Variants in ADAMTS19 observed in about 807,000 individuals in gnomAD.
ADAMTS19 encodes ADAM metallopeptidase with thrombospondin type 1 motif 19.
In ADAMTS19, 93 loss-of-function variants were observed where a neutral mutation model predicts 153.3. The ratio of observed to expected loss-of-function variants is 0.61; its 90% CI spans 0.51 to 0.72. The LOEUF (loss-of-function observed/expected upper bound fraction) is 0.72, where lower values mean the gene tolerates loss of function less well. ADAMTS19 is among the 30% of genes least tolerant of loss of function. The pLI, the probability that ADAMTS19 is intolerant of heterozygous loss-of-function variation, is 0.00. For missense variants in ADAMTS19, 1,482 were observed against 1,552.1 expected, an observed-to-expected ratio of 0.95 and a Z score of 0.76; for synonymous variants, 600 against 556.6, an observed-to-expected ratio of 1.08 and a Z score of -1.10.
rs145593242 is a variant in ADAMTS19, at chr5:129,472,144, A to G, written c.747+10387A>G. On this transcript the variant is annotated intron_variant, in intron 2 of 22. Transcript: ENST00000274487. ...AGGAATCACTTCACTATCTTCCACA[A>G]TGGTTGAACTAACTTAAACTGCCAT... is the stretch of plus-strand genomic sequence containing the variant. Among the ~76,000 whole-genome samples, 435 of 152,346 alleles carry G rather than the reference A, an allele frequency of 2.9e-3. 1 individual carries two copies. Among genetic ancestry groups the G allele is most frequent in the African/African-American group, 0.01 (420 of 41,582 alleles).
At chr5:129,720,911 A>G (rs1756977421) in intron 21 of ADAMTS19, among the ~76,000 whole-genome samples, 1 of 152,222 alleles carries the variant, frequency 6.6e-6, no homozygotes, top group South Asian at 2.1e-4. Flanking sequence ...ACCATGAGCC[A>G]TCACATAAAT....
At chr5:129,664,665 G>A (rs913326946) in intron 15 of ADAMTS19, among the ~76,000 whole-genome samples, 6 of 151,870 alleles carry the variant, frequency 4.0e-5, no homozygotes, top group African/African-American at 1.2e-4. Context: ...AAGCTTAGAA[G>A]GTAGACTTTT....
chr5:129,509,805 A>G (rs1417609927), intron 3 of ADAMTS19, among the ~76,000 whole-genome samples: 1 of 151,966 alleles, frequency 6.6e-6, no homozygotes, highest in Non-Finnish European at 1.5e-5. Context: ...AACATTCCCA[A>G]CCATCAAATC....
chr5:129,685,273 T>C (rs1264611478), intron 18 of ADAMTS19, among the ~76,000 whole-genome samples: 3 of 152,000 alleles, frequency 2.0e-5, no homozygotes, highest in Non-Finnish European at 4.4e-5. Context: ...AGAGAGAAGC[T>C]ATTAGAGGAT....
chr5:129,525,535 A>G (rs150633696), intron 3 of ADAMTS19, among the ~76,000 whole-genome samples: 313 of 152,164 alleles, frequency 2.1e-3, no homozygotes, highest in African/African-American at 6.7e-3. Flanking sequence ...TTATTCTGGA[A>G]AAGTATTGCA....
chr5:129,685,114 G>A (rs1456716954), intron 18 of ADAMTS19, among the ~76,000 whole-genome samples: 4 of 152,218 alleles, frequency 2.6e-5, no homozygotes, highest in South Asian at 2.1e-4. Flanking sequence ...TATAAGTCTG[G>A]CATTCAGGAG....
At chr5:129,601,353 A>G (rs557682818) in intron 8 of ADAMTS19, among the ~76,000 whole-genome samples, 69 of 150,922 alleles carry the variant, frequency 4.6e-4, no homozygotes, top group African/African-American at 1.7e-3. Context: ...GTTTTATTGA[A>G]TTCATATATA....
intron 2 of ADAMTS19, among the ~76,000 whole-genome samples, chr5:129,478,979 C>A (rs1250827780): frequency 6.6e-6 from 1 of 152,096 alleles, no homozygotes; most frequent in Admixed American, 6.6e-5. Context: ...CTGCTATATG[C>A]CATATACATA....
chr5:129,524,864 G>C (rs1001494808), intron 3 of ADAMTS19, among the ~76,000 whole-genome samples: 31 of 152,000 alleles, frequency 2.0e-4, no homozygotes, highest in Admixed American at 3.9e-4. Context: ...CACTGAGTTG[G>C]TTTTTAAGAG....
chr5:129,506,828 C>A (rs1751282026), intron 2 of ADAMTS19, among the ~76,000 whole-genome samples: 1 of 151,662 alleles, frequency 6.6e-6, no homozygotes, highest in African/African-American at 2.4e-5. Flanking sequence ...AGAGCATTAC[C>A]CATGATAAGA....
chr5:129,638,962 G>A (rs1046306948), intron 10 of ADAMTS19, among the ~76,000 whole-genome samples: 38 of 152,094 alleles, frequency 2.5e-4, no homozygotes, highest in Non-Finnish European at 4.3e-4. Context: ...ACCTATTTGA[G>A]ATAAACATCC....
At chr5:129,613,100 AC>A (rs1751315812) in intron 8 of ADAMTS19, among the ~76,000 whole-genome samples, 2 of 152,084 alleles carry the variant, frequency 1.3e-5, no homozygotes, top group South Asian at 4.2e-4. Flanking sequence ...AGACTTTAAC[AC>A]CCCACTGTCA....
At chr5:129,538,888 T>G (rs1752555443) in intron 6 of ADAMTS19, among the ~76,000 whole-genome samples, 1 of 152,138 alleles carries the variant, frequency 6.6e-6, no homozygotes, top group Admixed American at 6.6e-5. Flanking sequence ...ATAAGCATAT[T>G]CTTATGGTAA....
chr5:129,597,980 C>G (rs1181590615), intron 8 of ADAMTS19, among the ~76,000 whole-genome samples: 1 of 151,894 alleles, frequency 6.6e-6, no homozygotes, highest in Non-Finnish European at 1.5e-5. Flanking sequence ...GCAGGCTTCC[C>G]TAATTGCTGG....
At position 129,738,571 on chromosome 5, in the gene ADAMTS19, T is replaced by C. The variant is rs1420921843; in HGVS notation, c.*1353T>C. ...ATCCAATGTATGTTCTGAGGTCACC[T>C]GGCTCTCTTCATGTCACCCTTTGGG... On this transcript the variant is annotated 3_prime_UTR_variant, in exon 23 of 23. Transcript: ENST00000274487. The C allele has an allele frequency of 6.6e-6, 1 of 152,056 alleles. No individual in the cohort carries two copies. The highest frequency in any genetic ancestry group is 2.4e-5 in the African/African-American group (1 of 41,420). The allele number at this position is 152,056 out of a possible 1,614,324, so 9.4% of individuals were successfully genotyped here. A position where few individuals can be genotyped will look rare whatever the true frequency, so the allele number is the denominator to read the frequency against.
chr5:129,530,664 G>C (rs980697393), intron 6 of ADAMTS19, among the ~76,000 whole-genome samples: 2 of 152,006 alleles, frequency 1.3e-5, no homozygotes, highest in Non-Finnish European at 2.9e-5. Flanking sequence ...CTCTGAAAGG[G>C]TATCTATCGA....
chr5:129,629,082 C>A (rs1255368189), intron 10 of ADAMTS19, among the ~76,000 whole-genome samples: 1 of 152,050 alleles, frequency 6.6e-6, no homozygotes. Flanking sequence ...AAACAAATCT[C>A]CTATATGGTA....
intron 2 of ADAMTS19, among the ~76,000 whole-genome samples, chr5:129,485,105 A>G (rs1750546827): frequency 6.6e-6 from 1 of 152,210 alleles, no homozygotes; most frequent in Admixed American, 6.5e-5. Flanking sequence ...ATACTGGGCC[A>G]TTAAATTAGT....
intron 6 of ADAMTS19, among the ~76,000 whole-genome samples, chr5:129,535,286 A>G (rs1251028352): frequency 6.6e-6 from 1 of 152,098 alleles, no homozygotes; most frequent in Non-Finnish European, 1.5e-5. Flanking sequence ...AAACAGCCAA[A>G]TCATGAGTGA....
Sources: gnomAD v4.1 joint callset for allele counts (sites outside exome capture counted in the v4.1 genomes callset) on GRCh38, gnomAD v4.1.1 for gene constraint, MANE v1.5 for transcripts, NCBI Gene and HGNC (gene_info 2026-07-23, HGNC 2026-07-21) for gene names.